ST6GALNAC3: variants seen among roughly 807,000 people sequenced by gnomAD.
ST6GALNAC3 encodes the protein alpha-N-acetylgalactosaminide alpha-2,6-sialyltransferase 3.
In ST6GALNAC3, 25 loss-of-function variants were observed where a neutral mutation model predicts 32.7. The ratio of observed to expected loss-of-function variants is 0.76; its 90% confidence interval spans 0.56 to 1.07. ST6GALNAC3 has a LOEUF of 1.07. ST6GALNAC3 is among the 50% of genes least tolerant of loss of function. The pLI, the probability that ST6GALNAC3 is intolerant of heterozygous loss-of-function variation, is 0.00. For missense variants in ST6GALNAC3, 355 were observed against 382.4 expected (o/e 0.93, Z 0.60); for synonymous variants, 129 against 133.1 (o/e 0.97, Z 0.21).
In ST6GALNAC3 at chr1:76,419,049, AC is replaced by A. The variant is rs764803143; in HGVS notation, c.623+6633del. Among the ~76,000 whole-genome samples, 66 of 151,576 alleles carry A rather than the reference AC, an allele frequency of 4.4e-4. No individual in the cohort carries two copies. In the South Asian group the frequency reaches 4.8e-3, roughly 11 times the overall value. On this transcript the variant is annotated intron_variant, in intron 3 of 4. Coordinates refer to ENST00000328299, the MANE Select transcript of ST6GALNAC3 (RefSeq NM_152996.4). ...TGTTTAAAAACACCCTCATGTGCAC[AC>A]ACACACACACACACACACATATACA...
At position 76,631,027 on chromosome 1, in the gene ST6GALNAC3, C is replaced by G; in HGVS notation, c.*2221C>G. Reference sequence around the variant, plus strand: ...CAACTCTTATTTGTTCTAGCCCCTACTGATGAGAAACATTTGAAAACTTGC... The same window carrying G: ...CAACTCTTATTTGTTCTAGCCCCTAGTGATGAGAAACATTTGAAAACTTGC... On this transcript the variant is annotated 3_prime_UTR_variant, in exon 5 of 5. Transcript: ENST00000328299. 3 of 985,580 alleles carry G rather than the reference C, an allele frequency of 3.0e-6. No individual in the cohort carries two copies. Among genetic ancestry groups the G allele is most frequent in the Non-Finnish European group, 3.6e-6 (3 of 829,842 alleles). The allele number at this position is 985,580 out of a possible 1,614,324, so 61.1% of individuals were successfully genotyped here. A position where few individuals can be genotyped will look rare whatever the true frequency, so the allele number is the denominator to read the frequency against.
intron 1 of ST6GALNAC3, among the ~76,000 whole-genome samples, chr1:76,136,561 GTA>G (rs1024927812): frequency 2.4e-4 from 36 of 152,080 alleles, no homozygotes; most frequent in African/African-American, 8.7e-4. Flanking sequence ...CAAAGTGTGT[GTA>G]TGTGTGTGTG....
chr1:76,151,578 G>A (rs549779900), intron 1 of ST6GALNAC3, among the ~76,000 whole-genome samples: 10 of 152,280 alleles, frequency 6.6e-5, no homozygotes, highest in Admixed American at 1.3e-4. Context: ...TATCAAGCTC[G>A]CCATCACTGT....
Position 76,630,709 on chromosome 1 carries a change from C to G in ST6GALNAC3, c.*1903C>G, listed in dbSNP as rs1649251668. On this transcript the variant is annotated 3_prime_UTR_variant, in exon 5 of 5. Transcript: ENST00000328299. Reference sequence around the variant, plus strand: ...ACTCTCTTCTGCAATTTTGACACCTCAATATTCACACCCATAAACATTACT... The same window carrying G: ...ACTCTCTTCTGCAATTTTGACACCTGAATATTCACACCCATAAACATTACT... The G allele has an allele frequency of 1.0e-6, 1 of 985,508 alleles. No homozygotes were observed. Among genetic ancestry groups the G allele is most frequent in the African/African-American group, 1.7e-5 (1 of 57,186 alleles). The allele number at this position is 985,508 out of a possible 1,614,324, so 61.0% of individuals were successfully genotyped here. A position where few individuals can be genotyped will look rare whatever the true frequency, so the allele number is the denominator to read the frequency against.
At chr1:76,268,299 A>G (rs866140608) in intron 1 of ST6GALNAC3, among the ~76,000 whole-genome samples, 6 of 152,350 alleles carry the variant, frequency 3.9e-5, no homozygotes, top group Middle Eastern at 3.4e-3. Flanking sequence ...CATCAGTGAC[A>G]TGCAGAAATA....
intron 2 of ST6GALNAC3, among the ~76,000 whole-genome samples, chr1:76,410,823 A>G (rs1654182118): frequency 6.6e-6 from 1 of 152,128 alleles, no homozygotes; most frequent in Non-Finnish European, 1.5e-5. Flanking sequence ...CTGAGCCTTT[A>G]ATGTATTCCA....
chr1:76,546,819 G>C (rs1664326950), intron 3 of ST6GALNAC3, among the ~76,000 whole-genome samples: 2 of 152,364 alleles, frequency 1.3e-5, no homozygotes, highest in South Asian at 4.1e-4. Context: ...TCTGTGGACA[G>C]TTGTAGCTGA....
intron 1 of ST6GALNAC3, among the ~76,000 whole-genome samples, chr1:76,302,271 A>G (rs192528709): frequency 5.9e-5 from 9 of 152,176 alleles, no homozygotes; most frequent in African/African-American, 2.2e-4. Context: ...GAGACCATTT[A>G]AAGTTATTTG....
At chr1:76,398,035 A>G (rs1653113196) in intron 2 of ST6GALNAC3, among the ~76,000 whole-genome samples, 1 of 152,158 alleles carries the variant, frequency 6.6e-6, no homozygotes, top group African/African-American at 2.4e-5. Flanking sequence ...CTTCCAGAAC[A>G]GTGTAAAATA....
intron 2 of ST6GALNAC3, among the ~76,000 whole-genome samples, chr1:76,398,127 C>T (rs2392032): frequency 0.37 from 55,700 of 150,950 alleles, 10,697 homozygotes; most frequent in East Asian, 0.68. Flanking sequence ...TGTTCCAAAC[C>T]ATTATTCCAC....
intron 1 of ST6GALNAC3, among the ~76,000 whole-genome samples, chr1:76,292,928 C>T (rs976542469): frequency 6.6e-6 from 1 of 152,122 alleles, no homozygotes; most frequent in Non-Finnish European, 1.5e-5. Context: ...ATCTTCTGCA[C>T]AAAAATAAAC....
intron 1 of ST6GALNAC3, among the ~76,000 whole-genome samples, chr1:76,099,638 A>ATCTCTAATCAATCTC (rs1647185852): frequency 6.6e-6 from 1 of 152,216 alleles, no homozygotes; most frequent in Non-Finnish European, 1.5e-5. Context: ...CTACAGTGAT[A>ATCTCTAATCAATCTC]TAAATCAATC....
At chr1:76,597,316 G>C (rs1460061366) in intron 3 of ST6GALNAC3, among the ~76,000 whole-genome samples, 1 of 152,000 alleles carries the variant, frequency 6.6e-6, no homozygotes, top group Non-Finnish European at 1.5e-5. Flanking sequence ...TCGCTTGCTG[G>C]GTCCTGGTAA....
chr1:76,582,987 G>A (rs1020898171), intron 3 of ST6GALNAC3, among the ~76,000 whole-genome samples: 92 of 152,030 alleles, frequency 6.1e-4, no homozygotes, highest in Non-Finnish European at 3.8e-4. Context: ...TACTATTTGC[G>A]TATGTAATAG....
At chr1:76,096,702 A>T (rs1324218436) in intron 1 of ST6GALNAC3, among the ~76,000 whole-genome samples, 2 of 151,980 alleles carry the variant, frequency 1.3e-5, no homozygotes, top group Non-Finnish European at 2.9e-5. Context: ...GCCGTTAACA[A>T]GGTGAGGACA....
intron 2 of ST6GALNAC3, among the ~76,000 whole-genome samples, chr1:76,329,243 G>A (rs1416643393): frequency 6.6e-6 from 1 of 151,990 alleles, no homozygotes; most frequent in Non-Finnish European, 1.5e-5. Context: ...TTTCTTTTGT[G>A]CTTTTAACAT....
intron 2 of ST6GALNAC3, among the ~76,000 whole-genome samples, chr1:76,406,330 T>C (rs139889557): frequency 7.2e-5 from 11 of 152,164 alleles, no homozygotes; most frequent in Non-Finnish European, 1.6e-4. Flanking sequence ...GTTTAGAAAA[T>C]AATATCATCT....
chr1:76,508,026 T>C (rs990736856), intron 3 of ST6GALNAC3, among the ~76,000 whole-genome samples: 2 of 152,336 alleles, frequency 1.3e-5, no homozygotes, highest in African/African-American at 2.4e-5. Context: ...TCCTGTTGGC[T>C]AATAATGTTG....
At chr1:76,548,509 G>A (rs1664429153) in intron 3 of ST6GALNAC3, among the ~76,000 whole-genome samples, 1 of 152,004 alleles carries the variant, frequency 6.6e-6, no homozygotes, top group South Asian at 2.1e-4. Flanking sequence ...TCACTTCCAT[G>A]CCCCAGGCAG....
Sources: gnomAD v4.1 joint callset for allele counts (sites outside exome capture counted in the v4.1 genomes callset) on GRCh38, gnomAD v4.1.1 for gene constraint, MANE v1.5 for transcripts, NCBI Gene and HGNC (gene_info 2026-07-23, HGNC 2026-07-21) for gene names.